The following GTPBP8 variants were observed in gnomAD, a reference collection of about 807,000 sequenced individuals.
GTPBP8 encodes the protein GTP-binding protein 8.
In GTPBP8, 21 loss-of-function variants were observed where a neutral mutation model predicts 27.3. That is an observed-to-expected ratio of 0.77 (90% confidence interval 0.55 to 1.11). The LOEUF is 1.11. Among genes scored for constraint, GTPBP8 ranks in the 50% least tolerant of loss-of-function variants. The probability of loss-of-function intolerance (pLI) is 0.00; values close to 1 mark genes in which losing one functional copy is unlikely to be tolerated. For missense variants in GTPBP8, 380 were observed against 350.8 expected (o/e 1.08, Z -0.67); for synonymous variants, 147 against 135.3 (o/e 1.09, Z -0.60).
Position 112,999,431 on chromosome 3 carries a change from TTTG to T in GTPBP8, c.667-12_667-10del. ...CCACTTTATTTCTAATGCATAAAAATTTGTTTTCTTATAGATTGTATTAACAAA... is the reference window on the plus strand; with the variant it reads ...CCACTTTATTTCTAATGCATAAAAATTTTTCTTATAGATTGTATTAACAAA... On this transcript the variant is annotated splice_polypyrimidine_tract_variant and intron_variant, in intron 4 of 5. Coordinates refer to ENST00000383678, the MANE Select transcript of GTPBP8 (RefSeq NM_014170.4). 1.1e-6 allele frequency: 1 copy of T among 931,832 alleles called. No homozygotes were observed. Among genetic ancestry groups the T allele is most frequent in the Non-Finnish European group, 1.7e-6 (1 of 603,914 alleles). The allele number at this position is 931,832 out of a possible 1,614,324, so 57.7% of individuals were successfully genotyped here.
intron 3 of GTPBP8, among the ~76,000 whole-genome samples, chr3:112,995,889 T>C (rs1353840474): frequency 6.6e-6 from 1 of 152,114 alleles, no homozygotes; most frequent in African/African-American, 2.4e-5. Context: ...AAAATGAAAA[T>C]TGTTGGTTAA....
At chr3:112,997,819 G>A (rs1035914010) in intron 4 of GTPBP8, among the ~76,000 whole-genome samples, 2 of 152,170 alleles carry the variant, frequency 1.3e-5, no homozygotes, top group African/African-American at 4.8e-5. Flanking sequence ...AGGATTGATA[G>A]TCTGCCTAGT....
intron 2 of GTPBP8, among the ~76,000 whole-genome samples, 164 bp from the exon 3 acceptor site, chr3:112,994,971 C>T (rs984100752): frequency 2.6e-5 from 4 of 152,204 alleles, no homozygotes; most frequent in Non-Finnish European, 5.9e-5. Context: ...TATCTCCAGC[C>T]ATTTCCCTTC....
At chr3:112,991,732 G>GA (rs1933685666) in intron 1 of GTPBP8, 1 of 375,290 alleles carries the variant, frequency 2.7e-6, no homozygotes, top group Non-Finnish European at 5.1e-6. Flanking sequence ...CTTAAGTAGG[G>GA]AAAACATGCC....
chr3:112,993,435 T>C (rs1272055729), intron 2 of GTPBP8, among the ~76,000 whole-genome samples: 1 of 152,246 alleles, frequency 6.6e-6, no homozygotes, highest in Non-Finnish European at 1.5e-5. Flanking sequence ...CATCTAGTTC[T>C]ACACTGATTG....
Position 112,991,177 on chromosome 3 carries a change from C to G in GTPBP8, c.178C>G (p.Pro60Ala). The G allele has an allele frequency of 6.2e-7, 1 of 1,614,134 alleles. No individual in the cohort carries two copies. Among genetic ancestry groups the G allele is most frequent in the Non-Finnish European group, 8.5e-7 (1 of 1,180,016 alleles). ...PLQEVERFLA[P>A]YGRQDLHLRI... The stretch of plus-strand genomic sequence containing the variant: ...GCAGGAAGTAGAGCGGTTCCTCGCC[C>G]CCTACGGGAGGCAAGACCTTCACCT... Residue 60 changes from proline to alanine, a missense_variant, in exon 1 of 6, where the codon CCC (proline) becomes GCC (alanine). Coordinates refer to ENST00000383678, the MANE Select transcript of GTPBP8 (RefSeq NM_014170.4).
chr3:112,993,144 T>C lies in GTPBP8; in HGVS notation c.435+20T>C. ...AAACCAGTATGTTGAAGTTTTTAAA[T>C]ATGTTTGGACTATCTCTTGGATTAA... On this transcript the variant is annotated intron_variant, in intron 2 of 5. Coordinates refer to ENST00000383678, the MANE Select transcript of GTPBP8 (RefSeq NM_014170.4). 1 of 1,244,382 alleles carries C rather than the reference T, an allele frequency of 8.0e-7. No homozygotes were observed. The highest frequency in any genetic ancestry group is 2.3e-5 in the East Asian group (1 of 43,092). The allele number at this position is 1,244,382 out of a possible 1,614,324, so 77.1% of individuals were successfully genotyped here.
rs990557918 is a variant in GTPBP8 at position 113,001,470 on chromosome 3, T to C, written c.*551T>C. On this transcript the variant is annotated 3_prime_UTR_variant, in exon 6 of 6. Transcript: ENST00000383678. ...CGAAAGAACAGAATTCAAGTTCTAG[T>C]TCTGATGTTTATTATATATGTTGGA... 25 of 152,262 alleles carry C rather than the reference T, an allele frequency of 1.6e-4. No individual in the cohort carries two copies. Among genetic ancestry groups the C allele is most frequent in the African/African-American group, 6.0e-4 (25 of 41,462 alleles). 9.4% of individuals were successfully genotyped at this position (152,262 alleles called of 1,614,324 possible).
chr3:112,991,664 C>T (rs1933683940), intron 1 of GTPBP8: 2 of 498,752 alleles, frequency 4.0e-6, no homozygotes, highest in Admixed American at 2.7e-5. Context: ...GCTTTAAAAG[C>T]TTTTCAAACC....
At chr3:113,000,723 G>C (rs1475628047) in intron 5 of GTPBP8, 127 bp from the exon 6 acceptor site, 5 of 590,224 alleles carry the variant, frequency 8.5e-6, no homozygotes, top group Non-Finnish European at 1.2e-5. Flanking sequence ...AAGAAAGCTA[G>C]AACACATTAA....
Position 113,000,975 on chromosome 3 carries a change from G to A in GTPBP8, c.*56G>A. The stretch of plus-strand genomic sequence containing the variant: ...AAAAAAAAAAAGCTTTATGCTAACT[G>A]GAGTTAAATACCTAGAAGAATTTCA... On this transcript the variant is annotated 3_prime_UTR_variant, in exon 6 of 6. Transcript: ENST00000383678. 1.1e-6 allele frequency: 1 copy of A among 925,420 alleles called. No individual in the cohort carries two copies. 57.3% of individuals were successfully genotyped at this position (925,420 alleles called of 1,614,324 possible).
In GTPBP8 at chr3:113,001,010, T is replaced by G. The variant is rs1298856841; in HGVS notation, c.*91T>G. 2 of 748,486 alleles carry G rather than the reference T, an allele frequency of 2.7e-6. No homozygotes were observed. Among genetic ancestry groups the G allele is most frequent in the Non-Finnish European group, 4.5e-6 (2 of 442,820 alleles). The allele number at this position is 748,486 out of a possible 1,614,324, so 46.4% of individuals were successfully genotyped here. On this transcript the variant is annotated 3_prime_UTR_variant, in exon 6 of 6. Transcript: ENST00000383678. ...ACCTAGAAGAATTTCAACATTGTTT[T>G]AAATGTTGTGCATCTGTAACTTCAG...
Position 112,999,025 on chromosome 3 carries a change from TGATTTTTTTCTTTA to T in GTPBP8, c.667-418_667-405del, listed in dbSNP as rs1559711684. 2.6e-5 allele frequency among the ~76,000 whole-genome samples: 4 copies of T among 152,364 alleles called. No homozygotes were observed. In the East Asian group the frequency reaches 5.8e-4, roughly 22 times the overall value. On this transcript the variant is annotated intron_variant, in intron 4 of 5. Coordinates refer to ENST00000383678, the MANE Select transcript of GTPBP8 (RefSeq NM_014170.4). The stretch of plus-strand genomic sequence containing the variant: ...TAGAACCTACAAATAGCCTGATTTC[TGATTTTTTTCTTTA>T]GAGTATAGGTCAAAAAATGATTACA...
At chr3:113,000,801 T>C in intron 5 of GTPBP8, 49 bp from the exon 6 acceptor site, 1 of 1,085,058 alleles carries the variant, frequency 9.2e-7, no homozygotes, top group Non-Finnish European at 1.4e-6. Context: ...TGAATTCAGA[T>C]GTTATATCTG....
chr3:113,000,041 G>C (rs1265159302), intron 5 of GTPBP8, among the ~76,000 whole-genome samples: 1 of 152,078 alleles, frequency 6.6e-6, no homozygotes, highest in African/African-American at 2.4e-5. Context: ...ATAACGTTAT[G>C]TACTGAAAAC....
chr3:112,994,516 T>C (rs1187018689), intron 2 of GTPBP8, among the ~76,000 whole-genome samples: 1 of 152,160 alleles, frequency 6.6e-6, no homozygotes, highest in Admixed American at 6.5e-5. Context: ...CCACTTTTCA[T>C]CATCTGTGCA....
At position 112,991,214 on chromosome 3, in the gene GTPBP8, A is replaced by C. The variant is rs775278690; in HGVS notation, c.215A>C (p.Asp72Ala). The C allele has an allele frequency of 6.2e-7, 1 of 1,614,012 alleles. No individual in the cohort carries two copies. Among genetic ancestry groups the C allele is most frequent in the Non-Finnish European group, 8.5e-7 (1 of 1,180,038 alleles). Residue 72 changes from aspartate to alanine, a missense_variant, in exon 1 of 6, where the codon GAC becomes GCC. By Grantham distance (126) the Asp-to-Ala change is moderately radical. Transcript: ENST00000383678. ...CAAGACCTTCACCTGCGTATCTTTG[A>C]CCCAAGCCCGGAGGACATAGCCAGG... Reference protein sequence around the residue: ...GRQDLHLRIFDPSPEDIARAD... With the variant: ...GRQDLHLRIFAPSPEDIARAD...
intron 4 of GTPBP8, among the ~76,000 whole-genome samples, chr3:112,997,861 T>C (rs1020955745): frequency 1.3e-4 from 20 of 152,310 alleles, no homozygotes; most frequent in African/African-American, 4.6e-4. Context: ...AACTAAATAA[T>C]AGTATTCTTT....
chr3:112,995,115 T>A lies in GTPBP8; in HGVS notation c.436-20T>A, dbSNP rs763829636. ...GGACATATCTTAAGACAGCTTTTCT[T>A]TTTCTATTTACTTTATCAGGGACAC... is the stretch of plus-strand genomic sequence containing the variant. On this transcript the variant is annotated intron_variant, in intron 2 of 5. Coordinates refer to ENST00000383678, the MANE Select transcript of GTPBP8 (RefSeq NM_014170.4). 3 of 1,555,620 alleles carry A rather than the reference T, an allele frequency of 1.9e-6. No individual in the cohort carries two copies. The highest frequency in any genetic ancestry group is 2.6e-6 in the Non-Finnish European group (3 of 1,148,086).
Sources: gnomAD v4.1 joint callset for allele counts (sites outside exome capture counted in the v4.1 genomes callset) on GRCh38, gnomAD v4.1.1 for gene constraint, MANE v1.5 for transcripts, NCBI Gene and HGNC (gene_info 2026-07-23, HGNC 2026-07-21) for gene names.